Variants in CCDC146 observed in about 807,000 individuals in gnomAD.
CCDC146 encodes coiled-coil domain-containing protein 146.
A neutral mutation model predicts 119.3 loss-of-function variants in CCDC146; 92 were observed. That is an observed-to-expected ratio of 0.77 (90% confidence interval 0.65 to 0.92). The LOEUF (loss-of-function observed/expected upper bound fraction) is 0.92, where lower values mean the gene tolerates loss of function less well. Among genes scored for constraint, CCDC146 ranks in the 40% least tolerant of loss-of-function variants. The probability of loss-of-function intolerance (pLI) is 0.00; values close to 1 mark genes in which losing one functional copy is unlikely to be tolerated. For missense variants in CCDC146, 1,000 were observed against 1,103.0 expected (o/e 0.91, Z 1.32); for synonymous variants, 372 against 371.8 (o/e 1.00, Z -0.01).
chr7:77,128,171 A>C (rs1443041954), intron 1 of CCDC146, among the ~76,000 whole-genome samples: 3 of 151,898 alleles, frequency 2.0e-5, no homozygotes, highest in Admixed American at 6.6e-5. Flanking sequence ...ACTCTGTTTC[A>C]TGGTGGTTTA....
At position 77,196,117 on chromosome 7, in the gene CCDC146, ATT is replaced by A; in HGVS notation, c.156+28294_156+28295del. On this transcript the variant is annotated intron_variant, in intron 2 of 18. Transcript: ENST00000285871. This position sits in a 1 kb window ranked among gnomAD's most constrained non-coding sequence, Gnocchi z 4.2. ...ACAACAAAGGACTCCTTTAAAATGC[ATT>A]GTTTTTCAGCTTTATTTCAAATGCT... 3.4e-6 allele frequency: 2 copies of A among 594,656 alleles called. No individual in the cohort carries two copies. The highest frequency in any genetic ancestry group is 5.8e-6 in the Non-Finnish European group (2 of 342,314). The allele number at this position is 594,656 out of a possible 1,614,324, so 36.8% of individuals were successfully genotyped here. A position where few individuals can be genotyped will look rare whatever the true frequency, so the allele number is the denominator to read the frequency against.
At chr7:77,223,380 A>G (rs1792442866) in intron 2 of CCDC146, among the ~76,000 whole-genome samples, 1 of 152,154 alleles carries the variant, frequency 6.6e-6, no homozygotes, top group South Asian at 2.1e-4. Flanking sequence ...TGCCCATCGC[A>G]TTTGCTCTCT....
At chr7:77,133,920 G>C (rs1336745236) in intron 1 of CCDC146, among the ~76,000 whole-genome samples, 1 of 151,862 alleles carries the variant, frequency 6.6e-6, no homozygotes, top group Non-Finnish European at 1.5e-5. Context: ...TTGGCAGGAA[G>C]GAGTAATTAT....
rs544483390 is a variant in CCDC146, at chr7:77,205,172, A to G, written c.157-31775A>G. Among the ~76,000 whole-genome samples the G allele has an allele frequency of 3.3e-5, 5 of 152,306 alleles. No homozygotes were observed. The South Asian group carries it at 1.0e-3, about 32-fold the overall frequency. ...TTGTGGCTTTCTATATCTTGCCTTCATTTCTCATATTCATGGTAGTTGTTT... is the reference window on the plus strand; with the variant it reads ...TTGTGGCTTTCTATATCTTGCCTTCGTTTCTCATATTCATGGTAGTTGTTT... On this transcript the variant is annotated intron_variant, in intron 2 of 18. Coordinates refer to ENST00000285871, the MANE Select transcript of CCDC146 (RefSeq NM_020879.3).
chr7:77,286,524 A>G (rs1172291408), intron 15 of CCDC146, among the ~76,000 whole-genome samples: 1 of 152,166 alleles, frequency 6.6e-6, no homozygotes, highest in Non-Finnish European at 1.5e-5. Context: ...GGAAGCAATC[A>G]AGGGCCGCTT....
At chr7:77,147,229 T>C (rs11972514) in intron 1 of CCDC146, among the ~76,000 whole-genome samples, 1,735 of 152,356 alleles carry the variant, frequency 0.011, 24 homozygotes, top group African/African-American at 0.039. Context: ...GCATTCATCA[T>C]GTAGTTCTCA....
chr7:77,227,028 T>G (rs78318061), intron 2 of CCDC146, among the ~76,000 whole-genome samples: 1 of 152,064 alleles, frequency 6.6e-6, no homozygotes, highest in Non-Finnish European at 1.5e-5. Context: ...GAGAGATTTG[T>G]TTTTTTAGAG....
intron 4 of CCDC146, among the ~76,000 whole-genome samples, chr7:77,252,337 G>A (rs1231279756): frequency 1.3e-5 from 2 of 152,092 alleles, no homozygotes; most frequent in Non-Finnish European, 2.9e-5. Flanking sequence ...AGCTCAATGA[G>A]CCCCAAACAG....
chr7:77,149,057 A>C (rs59132033), intron 1 of CCDC146, among the ~76,000 whole-genome samples: 2,335 of 152,330 alleles, frequency 0.015, 64 homozygotes, highest in African/African-American at 0.053. Context: ...TGGAGGCATC[A>C]TGCTACCTGA....
At chr7:77,241,543 A>G (rs1792848527) in intron 3 of CCDC146, 148 bp from the exon 4 acceptor site, 1 of 667,562 alleles carries the variant, frequency 1.5e-6, no homozygotes, top group South Asian at 1.9e-5. Flanking sequence ...ACTCACGGAC[A>G]TGAAGGGTCA....
intron 5 of CCDC146, 29 bp from the exon 6 acceptor site, chr7:77,256,304 T>G (rs750687850): frequency 6.5e-7 from 1 of 1,538,682 alleles, no homozygotes; most frequent in Non-Finnish European, 8.8e-7. Context: ...TCAGACTATA[T>G]AACCTAATCA....
intron 2 of CCDC146, among the ~76,000 whole-genome samples, chr7:77,207,068 A>G (rs1366012524): frequency 6.6e-6 from 1 of 152,158 alleles, no homozygotes; most frequent in East Asian, 1.9e-4. Context: ...ATGTTAATTG[A>G]AAGGCCATTT....
chr7:77,161,223 G>C (rs1177137887), intron 1 of CCDC146, among the ~76,000 whole-genome samples: 2 of 152,184 alleles, frequency 1.3e-5, no homozygotes, highest in Non-Finnish European at 2.9e-5. Context: ...GTGGAAGTCA[G>C]TGTGGTGATT....
intron 2 of CCDC146, among the ~76,000 whole-genome samples, chr7:77,192,658 C>T (rs1246573486): frequency 1.3e-5 from 2 of 152,194 alleles, no homozygotes; most frequent in Admixed American, 1.3e-4. Context: ...GGCACGGTGG[C>T]TAATGCCTGT....
At chr7:77,133,828 T>TACACACACAC (rs142218364) in intron 1 of CCDC146, among the ~76,000 whole-genome samples, 39 of 143,770 alleles carry the variant, frequency 2.7e-4, no homozygotes, top group African/African-American at 6.4e-4. Context: ...TATGCTTAGG[T>TACACACACAC]ACACACACAC....
intron 1 of CCDC146, among the ~76,000 whole-genome samples, chr7:77,148,536 T>G (rs1791059154): frequency 6.6e-6 from 1 of 151,902 alleles, no homozygotes; most frequent in African/African-American, 2.4e-5. Context: ...CTGTTCCTAT[T>G]CAGCCATCTT....
chr7:77,162,491 T>C (rs1170464494), intron 1 of CCDC146, among the ~76,000 whole-genome samples: 3 of 152,166 alleles, frequency 2.0e-5, no homozygotes, highest in African/African-American at 7.2e-5. Context: ...GTTCCATTGG[T>C]CTTTTATTTT....
At chr7:77,263,689 C>G (rs1040741690) in intron 9 of CCDC146, among the ~76,000 whole-genome samples, 2 of 152,158 alleles carry the variant, frequency 1.3e-5, no homozygotes, top group African/African-American at 4.8e-5. Flanking sequence ...TTTGGGAGGC[C>G]GAGGTCGGCA....
intron 2 of CCDC146, among the ~76,000 whole-genome samples, chr7:77,185,994 A>C (rs769716597): frequency 4.6e-5 from 7 of 152,214 alleles, no homozygotes; most frequent in Non-Finnish European, 7.4e-5. Flanking sequence ...AGGCAATAAC[A>C]AATGCTGTGA....
Sources: gnomAD v4.1 joint callset for allele counts (sites outside exome capture counted in the v4.1 genomes callset) on GRCh38, gnomAD v4.1.1 for gene constraint, Gnocchi (gnomAD v3.1) non-coding constraint, MANE v1.5 for transcripts, NCBI Gene and HGNC (gene_info 2026-07-23, HGNC 2026-07-21) for gene names.